Variants in THOP1 observed in about 807,000 individuals in gnomAD.
The protein encoded by THOP1 is thimet oligopeptidase.
THOP1 carries 49 observed loss-of-function variants against 71.8 expected under a neutral mutation model. That is an observed-to-expected ratio of 0.68 (90% CI 0.54 to 0.87). The LOEUF (loss-of-function observed/expected upper bound fraction) is 0.87. Ranked by LOEUF, THOP1 falls within the 40% of genes least tolerant of loss-of-function variation. The probability of loss-of-function intolerance (pLI) is 0.00; values close to 1 mark genes in which losing one functional copy is unlikely to be tolerated. For synonymous variants in THOP1, 426 were observed against 421.5 expected, an observed-to-expected ratio of 1.01 and a Z score of -0.13; for missense variants, 843 against 975.6, an observed-to-expected ratio of 0.86 and a Z score of 1.81.
intron 2 of THOP1, among the ~76,000 whole-genome samples, chr19:2,793,156 C>T (rs1401909232): frequency 6.6e-6 from 1 of 152,008 alleles, no homozygotes; most frequent in African/African-American, 2.4e-5. Flanking sequence ...GCCTGGGCAA[C>T]AGCAGCGAAA....
chr19:2,812,487 C>A, intron 12 of THOP1: 3 of 1,234,910 alleles, frequency 2.4e-6, no homozygotes, highest in Non-Finnish European at 3.2e-6. Flanking sequence ...CCAGCAGGGA[C>A]CTCCCCCCTC....
In THOP1 at chr19:2,806,967, C is replaced by A. The variant is rs960346224; in HGVS notation, c.801C>A (p.Ser267=). The A allele has an allele frequency of 4.3e-6, 7 of 1,613,022 alleles. No homozygotes were observed. The African/African-American group carries it at 9.3e-5, about 22-fold the overall frequency. Reference sequence around the variant, plus strand: ...TGGTGACGCTGCGGGCCCAGAAGTCCCGCCTGCTGGGGTTCCACACGCACG... The same window carrying A: ...TGGTGACGCTGCGGGCCCAGAAGTCACGCCTGCTGGGGTTCCACACGCACG... ...KELVTLRAQK[S]RLLGFHTHAD... Residue 267 remains serine, a synonymous_variant, in exon 7 of 13, where the codon TCC becomes TCA. Coordinates refer to ENST00000307741, the MANE Select transcript of THOP1 (RefSeq NM_003249.5).
Position 2,796,182 on chromosome 19 carries a change from T to C in THOP1, c.480T>C (p.Thr160=). The C allele has an allele frequency of 6.2e-7, 1 of 1,612,420 alleles. No individual in the cohort carries two copies. Among genetic ancestry groups the C allele is most frequent in the Non-Finnish European group, 8.5e-7 (1 of 1,179,204 alleles). ...ATGGGCTTCACCTCCCCAGAGAGAC[T>C]CAGGAAGTGAGTGCTGGGTGTAGGG... ...RRNGLHLPRE[T]QENIKRIKKK... The change falls in exon 4 of 13, where the codon ACT becomes ACC. Residue 160 remains threonine (T), a synonymous_variant. Coordinates refer to ENST00000307741, the MANE Select transcript of THOP1 (RefSeq NM_003249.5).
chr19:2,785,763 C>G, intron 1 of THOP1, 85 bp downstream of exon 1: 1 of 1,244,568 alleles, frequency 8.0e-7, no homozygotes, highest in Non-Finnish European at 1.0e-6. Flanking sequence ...AAGGCTGGAG[C>G]GAAGCGACCC....
intron 4 of THOP1, among the ~76,000 whole-genome samples, chr19:2,797,951 C>T (rs1410605587): frequency 1.3e-5 from 2 of 152,156 alleles, no homozygotes; most frequent in South Asian, 2.1e-4. Context: ...AGTCAGGGTC[C>T]GTCTCAGTAC....
intron 1 of THOP1, 70 bp downstream of exon 1, chr19:2,785,748 G>A: frequency 1.5e-6 from 2 of 1,300,460 alleles, no homozygotes; most frequent in Non-Finnish European, 2.0e-6. Flanking sequence ...TCGCGACTTG[G>A]GCCTAAGGCT....
In THOP1 at chr19:2,813,255, G is replaced by C. The variant is rs772891722; in HGVS notation, c.2049G>C (p.Glu683Asp). ...LSKGLQVGGC[E>D]PEPQVC ...AGGGGCTGCAGGTCGGGGGCTGCGA[G>C]CCCGAGCCGCAGGTCTGCTGAGGCC... The change falls in exon 13 of 13, where the codon GAG becomes GAC. Residue 683 changes from glutamate (E) to aspartate (D), a missense_variant. Transcript: ENST00000307741. 6.2e-7 allele frequency: 1 copy of C among 1,608,402 alleles called. No homozygotes were observed. The highest frequency in any genetic ancestry group is 1.1e-5 in the South Asian group (1 of 90,736).
chr19:2,794,131 C>T (rs1915953220), intron 2 of THOP1, among the ~76,000 whole-genome samples: 1 of 152,060 alleles, frequency 6.6e-6, no homozygotes, highest in South Asian at 2.1e-4. Context: ...TCCCCTACCT[C>T]AGCCTCCCAA....
intron 6 of THOP1, chr19:2,806,563 G>C: frequency 3.1e-6 from 1 of 317,740 alleles, no homozygotes; most frequent in Non-Finnish European, 5.8e-6. Flanking sequence ...GTCATTTGCT[G>C]GTGGCGATAG....
chr19:2,792,201 CTG>C (rs1915901039), intron 2 of THOP1, among the ~76,000 whole-genome samples: 1 of 152,258 alleles, frequency 6.6e-6, no homozygotes, highest in South Asian at 2.1e-4. Context: ...AGCGTCAGGC[CTG>C]GCCCAGAGCC....
At chr19:2,797,900 C>A (rs576848243) in intron 4 of THOP1, among the ~76,000 whole-genome samples, 4 of 152,300 alleles carry the variant, frequency 2.6e-5, no homozygotes, top group African/African-American at 9.6e-5. Context: ...CTCAGAGAGG[C>A]CAGGTGGGTT....
At chr19:2,797,238 G>A (rs561394054) in intron 4 of THOP1, among the ~76,000 whole-genome samples, 6 of 152,298 alleles carry the variant, frequency 3.9e-5, no homozygotes, top group Non-Finnish European at 7.4e-5. Flanking sequence ...AATGGGGGCC[G>A]GTGGATGGTG....
intron 4 of THOP1, among the ~76,000 whole-genome samples, chr19:2,796,526 G>C (rs1916018233): frequency 6.6e-6 from 1 of 151,326 alleles, no homozygotes; most frequent in Non-Finnish European, 1.5e-5. Context: ...GGGGAGTGCT[G>C]GGTGGGGGGA....
Position 2,790,623 on chromosome 19 carries a change from C to G in THOP1, c.219C>G (p.Val73=). The change falls in exon 2 of 13, where the codon GTC becomes GTG. Residue 73 remains valine, a synonymous_variant. Transcript: ENST00000307741. Reference sequence around the variant, plus strand: ...TCAAGGCGCTGGCCGATGTGGAGGTCACCTACACAGGTAAGTCCCAGGCAG... The same window carrying G: ...TCAAGGCGCTGGCCGATGTGGAGGTGACCTACACAGGTAAGTCCCAGGCAG... ...STLKALADVE[V]TYTVQRNILD... is the part of the protein sequence containing the mutation. The G allele has an allele frequency of 6.4e-7, 1 of 1,563,766 alleles. No homozygotes were observed. The highest frequency in any genetic ancestry group is 8.6e-7 in the Non-Finnish European group (1 of 1,157,384).
At position 2,807,827 on chromosome 19, in the gene THOP1, G is replaced by T; in HGVS notation, c.1253+19G>T. 3 of 1,450,258 alleles carry T rather than the reference G, an allele frequency of 2.1e-6. No individual in the cohort carries two copies. The highest frequency in any genetic ancestry group is 2.7e-6 in the Non-Finnish European group (3 of 1,104,888). 89.8% of individuals were successfully genotyped at this position (1,450,258 alleles called of 1,614,324 possible). On this transcript the variant is annotated intron_variant, in intron 8 of 12. Coordinates refer to ENST00000307741, the MANE Select transcript of THOP1 (RefSeq NM_003249.5). ...ACCCGCGGTGGGTGAGGGCAGCGGG[G>T]GCGGGGGGCGCACCCCGGCCCTGGG...
At position 2,808,432 on chromosome 19, in the gene THOP1, G is replaced by C. The variant is rs1194379876; in HGVS notation, c.1443G>C (p.Gln481His). 6.2e-7 allele frequency: 1 copy of C among 1,605,828 alleles called. No homozygotes were observed. The highest frequency in any genetic ancestry group is 8.5e-7 in the Non-Finnish European group (1 of 1,174,750). The change falls in exon 9 of 13, where the codon CAG becomes CAC. Residue 481 changes from glutamine (Q) to histidine (H), a missense_variant. Transcript: ENST00000307741. ...ATGAGTTTGGCCACGTGATGCACCA[G>C]CTCTGCTCCCAGGTGGGTGCGGGCC... The part of the protein sequence containing the change: ...YFHEFGHVMH[Q>H]LCSQAEFAMF...
In THOP1 at chr19:2,796,097, A is replaced by G. The variant is rs760802921; in HGVS notation, c.395A>G (p.Asp132Gly). The G allele has an allele frequency of 6.8e-6, 11 of 1,613,588 alleles. No individual in the cohort carries two copies. The highest frequency in any genetic ancestry group is 4.0e-5 in the African/African-American group (3 of 74,858). ...IVWLQEKVQK[D>G]SLRPEAARYL... ...TTATTCCAGGAGAAAGTTCAGAAGG[A>G]CTCACTGAGGCCCGAGGCTGCGCGG... is the stretch of plus-strand genomic sequence containing the variant. The change falls in exon 4 of 13, where the codon GAC becomes GGC. Residue 132 changes from aspartate (D) to glycine (G), a missense_variant. Asp to Gly is a moderately conservative substitution (Grantham distance 94). Coordinates refer to ENST00000307741, the MANE Select transcript of THOP1 (RefSeq NM_003249.5).
intron 1 of THOP1, 41 bp from the exon 2 acceptor site, chr19:2,790,380 G>T (rs369250913): frequency 5.2e-5 from 78 of 1,485,816 alleles, no homozygotes; most frequent in Non-Finnish European, 6.4e-5. Flanking sequence ...TAACTGAACC[G>T]AAAGCAGACC....
intron 9 of THOP1, chr19:2,809,781 AGT>A (rs1287652774): frequency 6.4e-6 from 1 of 155,856 alleles, no homozygotes; most frequent in Non-Finnish European, 1.4e-5. Flanking sequence ...CGGGACAAGG[AGT>A]GTGGCTGCGT....
Sources: allele counts gnomAD v4.1 joint callset (sites outside exome capture counted in the v4.1 genomes callset), GRCh38; gene constraint gnomAD v4.1.1; transcripts MANE v1.5; gene names NCBI Gene and HGNC (gene_info 2026-07-23, HGNC 2026-07-21).